Variants in RFX4 observed in about 807,000 individuals in gnomAD.
The protein encoded by RFX4 is regulatory factor X4, also known as transcription factor RFX4.
In RFX4, 10 loss-of-function variants were observed where a neutral mutation model predicts 95.0. The observed-to-expected ratio is 0.11, with a 90% confidence interval of 0.06 to 0.18. RFX4 has a LOEUF of 0.18. Ranked by LOEUF, RFX4 falls within the 10% of genes least tolerant of loss-of-function variation. RFX4 has a pLI of 1.00. For missense variants in RFX4, 640 were observed against 922.0 expected, an observed-to-expected ratio of 0.69 and a Z score of 3.96; for synonymous variants, 321 against 340.7, an observed-to-expected ratio of 0.94 and a Z score of 0.64.
chr12:106,761,470 C>T lies in RFX4; in HGVS notation c.*1C>T. 1 of 1,586,356 alleles carries T rather than the reference C, an allele frequency of 6.3e-7. No individual in the cohort carries two copies. Among genetic ancestry groups the T allele is most frequent in the Non-Finnish European group, 8.6e-7 (1 of 1,165,416 alleles). On this transcript the variant is annotated 3_prime_UTR_variant, in exon 18 of 18. Coordinates refer to ENST00000392842, the MANE Select transcript of RFX4 (RefSeq NM_213594.3). Reference sequence around the variant, plus strand: ...GGCCTCTACAGGATGGGCTAAATGACTGCTATCATAGGCATCCATATTTAA... The same window carrying T: ...GGCCTCTACAGGATGGGCTAAATGATTGCTATCATAGGCATCCATATTTAA...
chr12:106,660,670 C>T (rs763336550), intron 4 of RFX4, among the ~76,000 whole-genome samples: 1 of 152,094 alleles, frequency 6.6e-6, no homozygotes, highest in African/African-American at 2.4e-5. Flanking sequence ...TCCTCAACCC[C>T]TGGTCTGTGG....
chr12:106,590,903 C>T (rs902422931), intron 1 of RFX4, among the ~76,000 whole-genome samples: 4 of 151,856 alleles, frequency 2.6e-5, no homozygotes, highest in African/African-American at 9.7e-5. Context: ...GCTCTGATCA[C>T]ACCACTGCAC....
At chr12:106,747,407 T>C (rs1213010042) in intron 15 of RFX4, 30 bp from the exon 16 acceptor site, 3 of 1,605,944 alleles carry the variant, frequency 1.9e-6, no homozygotes, top group African/African-American at 2.7e-5. Context: ...GAACTGTTAA[T>C]GATCAAGACG....
At chr12:106,692,883 A>T (rs2041810630) in intron 7 of RFX4, among the ~76,000 whole-genome samples, 1 of 152,198 alleles carries the variant, frequency 6.6e-6, no homozygotes, top group African/African-American at 2.4e-5. Flanking sequence ...GGTAACTCTG[A>T]GAGTTATATG....
At chr12:106,744,195 C>T (rs189206282) in intron 15 of RFX4, among the ~76,000 whole-genome samples, 14 of 152,322 alleles carry the variant, frequency 9.2e-5, no homozygotes, top group Admixed American at 7.8e-4. Context: ...ATCTTCCCTT[C>T]CCATTTTCTT....
At chr12:106,605,055 A>AT (rs1341195670) in intron 1 of RFX4, among the ~76,000 whole-genome samples, 1 of 152,206 alleles carries the variant, frequency 6.6e-6, no homozygotes. Context: ...AAATGGGCCT[A>AT]TTAATAGCAC....
chr12:106,666,120 C>T (rs1712942315), intron 4 of RFX4, among the ~76,000 whole-genome samples: 1 of 151,956 alleles, frequency 6.6e-6, no homozygotes, highest in African/African-American at 2.4e-5. Context: ...TCTACTACTA[C>T]TTCAGTTTTG....
At position 106,583,451 on chromosome 12, in the gene RFX4, C is replaced by CT. The variant is rs2039403080; in HGVS notation, c.43+88_43+89insT. On this transcript the variant is annotated intron_variant, in intron 1 of 17. Coordinates refer to ENST00000392842, the MANE Select transcript of RFX4 (RefSeq NM_213594.3). ...CTTTAGAAAGAAGTTGGGAAAAGTT[C>CT]AGACGGGTCAACTTGACAGTGGAAC... is the stretch of plus-strand genomic sequence containing the variant. The CT allele has an allele frequency of 7.7e-5, 101 of 1,318,252 alleles. No homozygotes were observed. The South Asian group carries it at 1.5e-3, about 19-fold the overall frequency. 81.7% of individuals were successfully genotyped at this position (1,318,252 alleles called of 1,614,324 possible).
At chr12:106,697,135 T>A (rs2041896083) in intron 8 of RFX4, among the ~76,000 whole-genome samples, 1 of 152,136 alleles carries the variant, frequency 6.6e-6, no homozygotes, top group South Asian at 2.1e-4. Flanking sequence ...TTCCAGGCTG[T>A]CCTTGGGCAC....
chr12:106,664,975 A>G (rs1028500050), intron 4 of RFX4, among the ~76,000 whole-genome samples: 1 of 151,906 alleles, frequency 6.6e-6, no homozygotes, highest in Admixed American at 6.6e-5. Flanking sequence ...TTGAGAATAT[A>G]TATTCTGCTA....
At chr12:106,748,652 T>C (rs893802574) in intron 16 of RFX4, among the ~76,000 whole-genome samples, 1 of 152,138 alleles carries the variant, frequency 6.6e-6, no homozygotes, top group Non-Finnish European at 1.5e-5. Flanking sequence ...ACTTATGATA[T>C]TAACAAGAGA....
chr12:106,703,611 T>A (rs374324809), intron 8 of RFX4, among the ~76,000 whole-genome samples: 10 of 152,224 alleles, frequency 6.6e-5, no homozygotes, highest in Admixed American at 5.2e-4. Context: ...TAAGAAAGAT[T>A]CACATACTTT....
Position 106,645,983 on chromosome 12 carries a change from G to A in RFX4, c.191+6591G>A, listed in dbSNP as rs1005066585. The A allele has an allele frequency of 1.1e-5, 14 of 1,269,610 alleles. No homozygotes were observed. The Admixed American group carries it at 2.5e-4, about 23-fold the overall frequency. The allele number at this position is 1,269,610 out of a possible 1,614,324, so 78.6% of individuals were successfully genotyped here. ...AATGCCAAGGGCAGAAATTTCTCAG[G>A]GAATGAGATGCTGTGTTGTGGAACC... On this transcript the variant is annotated intron_variant, in intron 3 of 17. Coordinates refer to ENST00000392842, the MANE Select transcript of RFX4 (RefSeq NM_213594.3).
intron 15 of RFX4, among the ~76,000 whole-genome samples, chr12:106,741,715 T>A (rs989872862): frequency 6.6e-6 from 1 of 152,116 alleles, no homozygotes; most frequent in Non-Finnish European, 1.5e-5. Flanking sequence ...AGAATCCTCC[T>A]AAGGAAAAGG....
chr12:106,761,125 A>G (rs1235421238), intron 17 of RFX4, 72 bp from the exon 18 acceptor site: 1 of 1,479,152 alleles, frequency 6.8e-7, no homozygotes, highest in African/African-American at 1.4e-5. Context: ...TAAACTATAA[A>G]CATGACTGAT....
chr12:106,615,524 G>A (rs1378670542), intron 2 of RFX4, among the ~76,000 whole-genome samples: 1 of 152,100 alleles, frequency 6.6e-6, no homozygotes, highest in East Asian at 1.9e-4. Flanking sequence ...CAAAATACCT[G>A]CTAGGATTTC....
chr12:106,626,371 A>G (rs1279309124), intron 2 of RFX4, among the ~76,000 whole-genome samples: 1 of 152,150 alleles, frequency 6.6e-6, no homozygotes, highest in Non-Finnish European at 1.5e-5. Flanking sequence ...AGTGATGGGA[A>G]AATCGGGGGA....
intron 14 of RFX4, 125 bp downstream of exon 14, chr12:106,732,374 T>C (rs1565998700): frequency 7.5e-7 from 1 of 1,329,596 alleles, no homozygotes; most frequent in Non-Finnish European, 1.0e-6. Flanking sequence ...GGTTAAGTGG[T>C]ATCAAACCAA....
intron 7 of RFX4, among the ~76,000 whole-genome samples, chr12:106,694,189 C>T (rs1037392684): frequency 3.3e-5 from 5 of 152,210 alleles, no homozygotes; most frequent in African/African-American, 4.8e-5. Context: ...TTCACCACTA[C>T]GATCATGTTT....
Sources: allele counts gnomAD v4.1 joint callset (sites outside exome capture counted in the v4.1 genomes callset), GRCh38; gene constraint gnomAD v4.1.1; transcripts MANE v1.5; gene names NCBI Gene and HGNC (gene_info 2026-07-23, HGNC 2026-07-21).